Variants in USF3 observed in about 807,000 individuals in gnomAD.
The protein encoded by USF3 is upstream transcription factor family member 3.
USF3 carries 29 observed loss-of-function variants against 157.5 expected under a neutral mutation model. The ratio of observed to expected loss-of-function variants is 0.18; its 90% CI spans 0.14 to 0.25. The LOEUF is 0.25. Among genes scored for constraint, USF3 ranks in the 10% least tolerant of loss-of-function variants. The pLI is 1.00. For missense variants in USF3, 2,381 were observed against 2,667.6 expected, an observed-to-expected ratio of 0.89 and a Z score of 2.37; for synonymous variants, 893 against 941.4, an observed-to-expected ratio of 0.95 and a Z score of 0.94.
At chr3:113,689,858 T>C (rs981162696) in intron 1 of USF3, among the ~76,000 whole-genome samples, 1 of 152,240 alleles carries the variant, frequency 6.6e-6, no homozygotes, top group Non-Finnish European at 1.5e-5. Context: ...TCCTCTCCAA[T>C]TATGCATCCT....
At chr3:113,668,124 AC>A (rs920731171) in intron 5 of USF3, among the ~76,000 whole-genome samples, 1 of 150,544 alleles carries the variant, frequency 6.6e-6, no homozygotes, top group Middle Eastern at 3.4e-3. Flanking sequence ...AATAAGAACC[AC>A]CCCCTACCCT....
chr3:113,693,727 C>A (rs1321103706), intron 1 of USF3, among the ~76,000 whole-genome samples: 1 of 152,184 alleles, frequency 6.6e-6, no homozygotes, highest in Non-Finnish European at 1.5e-5. Flanking sequence ...ATCTTTTAAC[C>A]ATGTAGCATA....
rs1947408177 is a variant in USF3, at chr3:113,658,397, A to T, written c.3285T>A (p.Ser1095Arg). Residue 1095 changes from serine to arginine, a missense_variant, in exon 7 of 7, where the codon AGT (serine) becomes AGA (arginine). By Grantham distance (110) the Ser-to-Arg change is moderately radical. Coordinates refer to ENST00000316407, the MANE Select transcript of USF3 (RefSeq NM_001009899.4). ...GCATGGATGCAACTGAGAAACTACGACTACTGCCAGAGCTGGTTGACATGG... is the reference window on the plus strand; with the variant it reads ...GCATGGATGCAACTGAGAAACTACGTCTACTGCCAGAGCTGGTTGACATGG... ...DSPMSTSSGS[S>R]RSFSVASMLP... 6.2e-7 allele frequency: 1 copy of T among 1,614,178 alleles called. No homozygotes were observed. The highest frequency in any genetic ancestry group is 8.5e-7 in the Non-Finnish European group (1 of 1,180,030).
intron 1 of USF3, among the ~76,000 whole-genome samples, chr3:113,692,809 A>G (rs1192691234): frequency 6.6e-6 from 1 of 152,214 alleles, no homozygotes; most frequent in Non-Finnish European, 1.5e-5. Context: ...TTGTCCCCAT[A>G]TGGAAATTTT....
chr3:113,677,654 T>G (rs1053692488), intron 1 of USF3, among the ~76,000 whole-genome samples: 4 of 152,142 alleles, frequency 2.6e-5, no homozygotes, highest in Admixed American at 1.3e-4. Context: ...GGATTCTCTG[T>G]TTTCTCTTAT....
rs372085417 is a variant in USF3 at position 113,659,874 on chromosome 3, C to G, written c.1808G>C (p.Arg603Pro). Residue 603 changes from arginine to proline, a missense_variant, in exon 7 of 7, where the codon CGA becomes CCA. Around this residue, in one of 6 missense-constraint regions of USF3, gnomAD observed 1,435 missense variants for 1,550.9 expected, o/e 0.93. Coordinates refer to ENST00000316407, the MANE Select transcript of USF3 (RefSeq NM_001009899.4). ...AGTATTGGCTCCATTGATGGGGAGT[C>G]GAACAGAACCAGGAGGTGGAGCAGG... Reference protein sequence around the residue: ...LLPAPPPGSVRLPINGANTVI... With the variant: ...LLPAPPPGSVPLPINGANTVI... The G allele has an allele frequency of 1.7e-5, 28 of 1,614,116 alleles. No individual in the cohort carries two copies. Among genetic ancestry groups the G allele is most frequent in the Non-Finnish European group, 2.4e-5 (28 of 1,180,036 alleles).
chr3:113,648,981 GGTCC>G lies in USF3; in HGVS notation c.*5959_*5962del, dbSNP rs1947213762. On this transcript the variant is annotated 3_prime_UTR_variant, in exon 7 of 7. Transcript: ENST00000316407. ...CAACTGCAGCATCTTAACACTATCT[GGTCC>G]CTTTCTTCTTGGAAGATCAATAGTT... is the stretch of plus-strand genomic sequence containing the variant. The G allele has an allele frequency of 6.6e-6, 1 of 152,270 alleles. No homozygotes were observed. Among genetic ancestry groups the G allele is most frequent in the Non-Finnish European group, 1.5e-5 (1 of 67,982 alleles). The allele number at this position is 152,270 out of a possible 1,614,324, so 9.4% of individuals were successfully genotyped here.
In USF3 at chr3:113,654,809, A is replaced by G; in HGVS notation, c.*135T>C. ...TCTGCATCTGACATGGCTTCCCTAC[A>G]TTCAGAAGATAACTGAAAACTGATT... On this transcript the variant is annotated 3_prime_UTR_variant, in exon 7 of 7. Coordinates refer to ENST00000316407, the MANE Select transcript of USF3 (RefSeq NM_001009899.4). 1.0e-6 allele frequency: 1 copy of G among 979,396 alleles called. No homozygotes were observed. The highest frequency in any genetic ancestry group is 1.4e-6 in the Non-Finnish European group (1 of 692,570). 60.7% of individuals were successfully genotyped at this position (979,396 alleles called of 1,614,324 possible). A position where few individuals can be genotyped will look rare whatever the true frequency, so the allele number is the denominator to read the frequency against.
rs1560171717 is a variant in USF3, at chr3:113,655,669, TAC to T, written c.6011_6012del (p.Ser2004AsnfsTer4). 1 of 1,614,010 alleles carries T rather than the reference TAC, an allele frequency of 6.2e-7. No homozygotes were observed. Among genetic ancestry groups the T allele is most frequent in the Non-Finnish European group, 8.5e-7 (1 of 1,179,996 alleles). ...ERNRSGNQRQ[S>X]TVFDPSLPHL... The stretch of plus-strand genomic sequence containing the variant: ...TGGGGAAGACTTGGATCAAAGACAG[TAC>T]TTTGCCTTTGGTTTCCAGAACGATT... On this transcript the variant is annotated frameshift_variant, in exon 7 of 7. Coordinates refer to ENST00000316407, the MANE Select transcript of USF3 (RefSeq NM_001009899.4). LOFTEE classifies it high-confidence loss of function.
chr3:113,682,665 AGTT>A (rs911924441), intron 1 of USF3, among the ~76,000 whole-genome samples: 1 of 152,176 alleles, frequency 6.6e-6, no homozygotes, highest in African/African-American at 2.4e-5. Context: ...ATATATTTAC[AGTT>A]GTTATATCCT....
chr3:113,667,176 T>C (rs1307897098), intron 5 of USF3, among the ~76,000 whole-genome samples: 1 of 152,114 alleles, frequency 6.6e-6, no homozygotes, highest in African/African-American at 2.4e-5. Flanking sequence ...ACCCAGGAAG[T>C]TATTTACTAC....
Position 113,649,259 on chromosome 3 carries a change from C to A in USF3, c.*5685G>T, listed in dbSNP as rs1947218576. 1 of 152,246 alleles carries A rather than the reference C, an allele frequency of 6.6e-6. No individual in the cohort carries two copies. Among genetic ancestry groups the A allele is most frequent in the African/African-American group, 2.4e-5 (1 of 41,426 alleles). 9.4% of individuals were successfully genotyped at this position (152,246 alleles called of 1,614,324 possible). On this transcript the variant is annotated 3_prime_UTR_variant, in exon 7 of 7. Transcript: ENST00000316407. ...AAAAATGTGTTAAATTACAAATAAA[C>A]AGTTATCTTCTGTCTTATGAAATCT...
At chr3:113,687,783 C>T (rs566666746) in intron 1 of USF3, among the ~76,000 whole-genome samples, 1 of 152,214 alleles carries the variant, frequency 6.6e-6, no homozygotes, top group Non-Finnish European at 1.5e-5. Context: ...CAACTGACAT[C>T]ATACACATCC....
intron 5 of USF3, among the ~76,000 whole-genome samples, chr3:113,667,567 T>G (rs1298772718): frequency 6.6e-6 from 1 of 152,162 alleles, no homozygotes; most frequent in African/African-American, 2.4e-5. Context: ...GAAAGCACAA[T>G]TTTTAAAAAG....
At position 113,659,322 on chromosome 3, in the gene USF3, A is replaced by C. The variant is rs1947432951; in HGVS notation, c.2360T>G (p.Leu787Trp). ...CAACCTTTTAGATTTCATGTTAGGC[A>C]AACAAGCAACAGTGTTCATTGAGGA... Reference protein sequence around the residue: ...STSSMNTVACLPNMKSKRLNK... With the variant: ...STSSMNTVACWPNMKSKRLNK... The change falls in exon 7 of 7, where the codon TTG becomes TGG. Residue 787 changes from leucine (L) to tryptophan (W), a missense_variant. Leu to Trp is a moderately conservative substitution (Grantham distance 61, BLOSUM62 -2). Around this residue, in one of 6 missense-constraint regions of USF3, gnomAD observed 1,435 missense variants for 1,550.9 expected, o/e 0.93. Transcript: ENST00000316407. The C allele has an allele frequency of 1.2e-6, 2 of 1,614,128 alleles. No homozygotes were observed. The highest frequency in any genetic ancestry group is 2.7e-5 in the African/African-American group (2 of 74,946).
Position 113,650,011 on chromosome 3 carries a change from C to A in USF3, c.*4933G>T. The A allele has an allele frequency of 1.6e-6, 1 of 609,484 alleles. No individual in the cohort carries two copies. Among genetic ancestry groups the A allele is most frequent in the Admixed American group, 2.8e-5 (1 of 36,278 alleles). The allele number at this position is 609,484 out of a possible 1,614,324, so 37.8% of individuals were successfully genotyped here. On this transcript the variant is annotated 3_prime_UTR_variant, in exon 7 of 7. Coordinates refer to ENST00000316407, the MANE Select transcript of USF3 (RefSeq NM_001009899.4). ...AATTTGCATATAAGTATCATAAAAT[C>A]ATCACTCACAGATTAACTTCACTAG...
At chr3:113,664,070 T>C (rs1381324437) in intron 6 of USF3, among the ~76,000 whole-genome samples, 1 of 152,120 alleles carries the variant, frequency 6.6e-6, no homozygotes, top group Admixed American at 6.6e-5. Flanking sequence ...AAACATGAAA[T>C]ACACAGAAGA....
At chr3:113,661,455 T>G in intron 6 of USF3, 30 bp from the exon 7 acceptor site, 5 of 1,245,326 alleles carry the variant, frequency 4.0e-6, no homozygotes, top group East Asian at 2.4e-5. Flanking sequence ...AATTTATAAA[T>G]ACCTGAGAAT....
Position 113,652,872 on chromosome 3 carries a change from G to T in USF3, c.*2072C>A. On this transcript the variant is annotated 3_prime_UTR_variant, in exon 7 of 7. Coordinates refer to ENST00000316407, the MANE Select transcript of USF3 (RefSeq NM_001009899.4). ...TCGGGAGGCTGAGGCTCAAGAATTTGCTTGAACCCAGGAGGCAGAGGCTGC... is the reference window on the plus strand; with the variant it reads ...TCGGGAGGCTGAGGCTCAAGAATTTTCTTGAACCCAGGAGGCAGAGGCTGC... The T allele has an allele frequency of 3.3e-6, 1 of 306,260 alleles. No homozygotes were observed. The highest frequency in any genetic ancestry group is 3.6e-5 in the South Asian group (1 of 28,130). The allele number at this position is 306,260 out of a possible 1,614,324, so 19.0% of individuals were successfully genotyped here. A position where few individuals can be genotyped will look rare whatever the true frequency, so the allele number is the denominator to read the frequency against.
Sources: gnomAD v4.1 joint callset for allele counts (sites outside exome capture counted in the v4.1 genomes callset) on GRCh38, gnomAD v4.1.1 for gene constraint, gnomAD v4.1.1 regional missense constraint, MANE v1.5 for transcripts, NCBI Gene and HGNC (gene_info 2026-07-23, HGNC 2026-07-21) for gene names.